SPATA13: variants seen among roughly 807,000 people sequenced by gnomAD.
SPATA13 encodes the protein spermatogenesis associated 13, also known as spermatogenesis-associated protein 13.
SPATA13 carries 50 observed loss-of-function variants against 104.0 expected under a neutral mutation model. The ratio of observed to expected loss-of-function variants is 0.48; its 90% CI spans 0.38 to 0.61. The LOEUF (loss-of-function observed/expected upper bound fraction) is 0.61. Ranked by LOEUF, SPATA13 falls within the 20% of genes least tolerant of loss-of-function variation. The pLI is 0.00. For missense variants in SPATA13, 1,524 were observed against 1,690.6 expected, an observed-to-expected ratio of 0.90 and a Z score of 1.73; for synonymous variants, 606 against 667.5, an observed-to-expected ratio of 0.91 and a Z score of 1.42.
intron 1 of SPATA13, among the ~76,000 whole-genome samples, chr13:24,174,559 A>T (rs1440587527): frequency 6.6e-6 from 1 of 151,888 alleles, no homozygotes; most frequent in East Asian, 1.9e-4. Context: ...ATGATTAAAA[A>T]TTTCCCTTTA....
chr13:24,266,686 C>A (rs1874311370), intron 4 of SPATA13, among the ~76,000 whole-genome samples: 1 of 152,184 alleles, frequency 6.6e-6, no homozygotes, highest in South Asian at 2.1e-4. Flanking sequence ...GTGCTTAATC[C>A]TTTTACAGTG....
At position 24,237,334 on chromosome 13, in the gene SPATA13, A is replaced by G. The variant is rs534512180; in HGVS notation, c.1654-12143A>G. Among the ~76,000 whole-genome samples the G allele has an allele frequency of 3.9e-5, 6 of 152,280 alleles. No homozygotes were observed. In the South Asian group the frequency reaches 1.0e-3, roughly 26 times the overall value. ...GCCGAGATTGCACCACTGCACTCCA[A>G]TGCTGGCGGCAGAGTCAGATTCCAT... On this transcript the variant is annotated intron_variant, in intron 2 of 12. Transcript: ENST00000382108.
At chr13:24,151,002 C>T (rs1882085613) in intron 3 of SPATA13, among the ~76,000 whole-genome samples, 1 of 152,194 alleles carries the variant, frequency 6.6e-6, no homozygotes, top group Admixed American at 6.5e-5. Flanking sequence ...AAAGAGTTGA[C>T]AAGTCCCTGT....
At chr13:24,242,130 T>A (rs956503871) in intron 2 of SPATA13, among the ~76,000 whole-genome samples, 1 of 152,100 alleles carries the variant, frequency 6.6e-6, no homozygotes, top group Non-Finnish European at 1.5e-5. Flanking sequence ...CAAATATGAA[T>A]TTACTCCATG....
At chr13:24,213,090 T>C (rs1028969715) in intron 1 of SPATA13, among the ~76,000 whole-genome samples, 13 of 152,204 alleles carry the variant, frequency 8.5e-5, no homozygotes, top group African/African-American at 2.7e-4. Context: ...GACAGACTCC[T>C]GCACGGAGAA....
At chr13:24,066,589 A>G (rs1878971523) in intron 3 of SPATA13, among the ~76,000 whole-genome samples, 2 of 152,164 alleles carry the variant, frequency 1.3e-5, no homozygotes, top group African/African-American at 2.4e-5. Context: ...TGCCTCACCC[A>G]TGGAGGGGAC....
At chr13:24,280,378 G>A (rs939598270) in intron 4 of SPATA13, among the ~76,000 whole-genome samples, 4 of 152,110 alleles carry the variant, frequency 2.6e-5, no homozygotes, top group Admixed American at 6.5e-5. Flanking sequence ...GCTAGATCAT[G>A]GTAAAGAATT....
chr13:24,247,551 C>G (rs560468208), intron 2 of SPATA13, among the ~76,000 whole-genome samples: 1 of 132,990 alleles, frequency 7.5e-6, no homozygotes, highest in Non-Finnish European at 1.5e-5. Context: ...GCAATTTCAG[C>G]CCACTGCAAC....
At chr13:24,277,597 T>C (rs1266045565) in intron 4 of SPATA13, among the ~76,000 whole-genome samples, 1 of 152,178 alleles carries the variant, frequency 6.6e-6, no homozygotes, top group African/African-American at 2.4e-5. Flanking sequence ...CCTGGGTTCC[T>C]ATCCTGGTTC....
chr13:24,108,757 C>T (rs1232338535), intron 3 of SPATA13, among the ~76,000 whole-genome samples: 2 of 152,108 alleles, frequency 1.3e-5, no homozygotes, highest in Non-Finnish European at 2.9e-5. Context: ...GCCTGGAGGC[C>T]CCGAGCCCAC....
chr13:24,192,240 C>CG (rs1869802571), intron 1 of SPATA13, among the ~76,000 whole-genome samples: 1 of 151,958 alleles, frequency 6.6e-6, no homozygotes, highest in Non-Finnish European at 1.5e-5. Flanking sequence ...CCCCTCCCCC[C>CG]ACACCTTATC....
At chr13:24,098,810 C>T (rs760107989) in intron 3 of SPATA13, among the ~76,000 whole-genome samples, 1 of 151,336 alleles carries the variant, frequency 6.6e-6, no homozygotes, top group Non-Finnish European at 1.5e-5. Context: ...GCATGTAGTC[C>T]TAGCTACTTG....
intron 11 of SPATA13, 105 bp downstream of exon 11, chr13:24,297,840 G>C (rs992779088): frequency 6.8e-5 from 93 of 1,359,640 alleles, no homozygotes; most frequent in Non-Finnish European, 9.0e-5. Context: ...CCTCAGAGCT[G>C]AATCCCACCA....
intron 3 of SPATA13, among the ~76,000 whole-genome samples, chr13:24,064,836 G>C (rs1019642897): frequency 6.6e-6 from 1 of 152,002 alleles, no homozygotes; most frequent in Non-Finnish European, 1.5e-5. Flanking sequence ...TCACCTGTGG[G>C]GTAGGTATTT....
chr13:24,192,880 G>T (rs9578689), intron 1 of SPATA13, among the ~76,000 whole-genome samples: 5,797 of 152,262 alleles, frequency 0.038, 395 homozygotes, highest in African/African-American at 0.13. Context: ...CACTTCCAGA[G>T]CCCAGCAGGT....
intron 3 of SPATA13, among the ~76,000 whole-genome samples, chr13:24,046,176 A>T (rs1158390250): frequency 1.3e-5 from 2 of 152,100 alleles, no homozygotes; most frequent in Admixed American, 1.3e-4. Flanking sequence ...GTGAACACTC[A>T]TGTACTAGCA....
chr13:24,153,857 T>A (rs1016596197), intron 3 of SPATA13, among the ~76,000 whole-genome samples: 1 of 152,204 alleles, frequency 6.6e-6, no homozygotes, highest in African/African-American at 2.4e-5. Flanking sequence ...GGGGTTGGAA[T>A]CCTAGCCCAG....
At chr13:24,187,735 T>C (rs1444363450) in intron 1 of SPATA13, among the ~76,000 whole-genome samples, 1 of 152,218 alleles carries the variant, frequency 6.6e-6, no homozygotes, top group African/African-American at 2.4e-5. Flanking sequence ...GTAAACTTGA[T>C]CAATAAATGT....
At chr13:24,283,650 A>G (rs1160626805) in intron 4 of SPATA13, among the ~76,000 whole-genome samples, 1 of 152,248 alleles carries the variant, frequency 6.6e-6, no homozygotes, top group African/African-American at 2.4e-5. Context: ...TCAAATATGT[A>G]CAGAGAGTAA....
Sources: gnomAD v4.1 joint callset for allele counts (sites outside exome capture counted in the v4.1 genomes callset) on GRCh38, gnomAD v4.1.1 for gene constraint, MANE v1.5 for transcripts, NCBI Gene and HGNC (gene_info 2026-07-23, HGNC 2026-07-21) for gene names.